Variants in CCSER1 observed in about 807,000 individuals in gnomAD.
CCSER1 encodes the protein coiled-coil serine rich protein 1, also known as serine-rich coiled-coil domain-containing protein 1.
Under a neutral mutation model 82.0 loss-of-function variants are expected in CCSER1, and 41 were observed. The observed-to-expected ratio is 0.50, with a 90% CI of 0.39 to 0.65. The LOEUF is 0.65. Ranked by LOEUF, CCSER1 falls within the 30% of genes least tolerant of loss-of-function variation. The probability of loss-of-function intolerance (pLI) is 0.00; values close to 1 mark genes in which losing one functional copy is unlikely to be tolerated. For synonymous variants in CCSER1, 414 were observed against 383.9 expected (o/e 1.08, Z -0.92); for missense variants, 1,119 against 1,064.2 (o/e 1.05, Z -0.72).
rs1732997465 is a variant in CCSER1 at position 90,672,594 on chromosome 4, T to G, written c.1932+44362T>G. Among the ~76,000 whole-genome samples the G allele has an allele frequency of 2.0e-5, 3 of 152,168 alleles. No individual in the cohort carries two copies. The South Asian group carries it at 6.2e-4, about 32-fold the overall frequency. On this transcript the variant is annotated intron_variant, in intron 6 of 10. Transcript: ENST00000509176. Reference sequence around the variant, plus strand: ...ATTTATGCATTCACTAGAGTAGTACTTTTAATTTCCTTCAGGAATGTTTTC... The same window carrying G: ...ATTTATGCATTCACTAGAGTAGTACGTTTAATTTCCTTCAGGAATGTTTTC...
chr4:91,092,039 T>A (rs528116665), intron 10 of CCSER1, among the ~76,000 whole-genome samples: 1 of 152,302 alleles, frequency 6.6e-6, no homozygotes, highest in South Asian at 2.1e-4. Flanking sequence ...GGGAGTATCC[T>A]GTTTTCTTAG....
intron 1 of CCSER1, among the ~76,000 whole-genome samples, chr4:90,198,791 T>A (rs1737087485): frequency 6.6e-6 from 1 of 152,144 alleles, no homozygotes. Context: ...TGATGAAGAA[T>A]CAATAAAAAT....
intron 7 of CCSER1, among the ~76,000 whole-genome samples, chr4:90,811,995 C>CACACACACACATGTATATAT (rs367800484): frequency 1.4e-5 from 2 of 142,778 alleles, no homozygotes; most frequent in African/African-American, 5.2e-5. Context: ...TATATAAACA[C>CACACACACACATGTATATAT]ATATATATAT....
intron 5 of CCSER1, among the ~76,000 whole-genome samples, chr4:90,524,043 C>A (rs1332358210): frequency 6.6e-6 from 1 of 151,756 alleles, no homozygotes; most frequent in Non-Finnish European, 1.5e-5. Flanking sequence ...CATAAGAGCT[C>A]AACATAACCA....
chr4:90,411,419 T>C (rs979280945), intron 4 of CCSER1, among the ~76,000 whole-genome samples: 2 of 152,160 alleles, frequency 1.3e-5, no homozygotes, highest in African/African-American at 4.8e-5. Flanking sequence ...CAAAATCTTA[T>C]CCACCACGAT....
At chr4:90,382,699 T>C (rs1390521588) in intron 3 of CCSER1, among the ~76,000 whole-genome samples, 1 of 152,128 alleles carries the variant, frequency 6.6e-6, no homozygotes, top group African/African-American at 2.4e-5. Flanking sequence ...CTCTGTACCT[T>C]AATACAAAGT....
intron 3 of CCSER1, among the ~76,000 whole-genome samples, chr4:90,394,204 T>A (rs910046421): frequency 6.6e-6 from 1 of 152,092 alleles, no homozygotes; most frequent in Non-Finnish European, 1.5e-5. Flanking sequence ...AGGGGCTGAT[T>A]TATAAATCAT....
At chr4:90,401,130 C>T (rs538781476) in intron 4 of CCSER1, among the ~76,000 whole-genome samples, 1 of 152,220 alleles carries the variant, frequency 6.6e-6, no homozygotes, top group Non-Finnish European at 1.5e-5. Flanking sequence ...TTTTCTTACA[C>T]TCTATTTTAG....
chr4:91,248,933 G>T (rs2149142524), intron 10 of CCSER1, among the ~76,000 whole-genome samples: 1 of 152,150 alleles, frequency 6.6e-6, no homozygotes, highest in South Asian at 2.1e-4. Context: ...AGTGCTTAAT[G>T]AAAATGAAAA....
chr4:91,321,930 A>G (rs796270135), intron 10 of CCSER1, among the ~76,000 whole-genome samples: 3 of 152,130 alleles, frequency 2.0e-5, no homozygotes, highest in Admixed American at 6.6e-5. Context: ...TTTGATTAAC[A>G]TCAGTCTTTG....
intron 10 of CCSER1, among the ~76,000 whole-genome samples, chr4:91,331,347 G>A (rs1050383690): frequency 8.6e-5 from 13 of 151,692 alleles, no homozygotes; most frequent in East Asian, 3.9e-4. Context: ...AAATCTGACC[G>A]TCCCATTGTA....
chr4:91,490,925 T>TATAA (rs1758500504), intron 10 of CCSER1, among the ~76,000 whole-genome samples: 41 of 87,490 alleles, frequency 4.7e-4, no homozygotes, highest in Non-Finnish European at 8.0e-4. Context: ...TATATATATA[T>TATAA]ATAAAATATG....
chr4:90,651,753 A>G (rs1025125516), intron 6 of CCSER1, among the ~76,000 whole-genome samples: 1 of 152,144 alleles, frequency 6.6e-6, no homozygotes, highest in African/African-American at 2.4e-5. Context: ...CCTCTAGGAC[A>G]GAGAGCAAAT....
intron 1 of CCSER1, among the ~76,000 whole-genome samples, chr4:90,273,381 CA>C (rs987392104): frequency 6.6e-6 from 1 of 152,112 alleles, no homozygotes; most frequent in Non-Finnish European, 1.5e-5. Flanking sequence ...GTTTGTAACA[CA>C]AAGGATCAGG....
chr4:90,187,967 C>T (rs899983062), intron 1 of CCSER1, among the ~76,000 whole-genome samples: 2 of 151,882 alleles, frequency 1.3e-5, no homozygotes, highest in African/African-American at 4.8e-5. Flanking sequence ...TCTTTGTGCT[C>T]TTGAGACTGA....
At chr4:91,232,850 T>A (rs1738726573) in intron 10 of CCSER1, among the ~76,000 whole-genome samples, 1 of 151,750 alleles carries the variant, frequency 6.6e-6, no homozygotes, top group Non-Finnish European at 1.5e-5. Context: ...AAAATTGAGG[T>A]AAAACTCTAT....
At chr4:90,870,765 G>A (rs560472944) in intron 8 of CCSER1, among the ~76,000 whole-genome samples, 1 of 148,344 alleles carries the variant, frequency 6.7e-6, no homozygotes, top group South Asian at 2.1e-4. Flanking sequence ...ATTGGTGTTA[G>A]CTCTTTAAAT....
intron 3 of CCSER1, among the ~76,000 whole-genome samples, chr4:90,383,348 A>G (rs1749511653): frequency 6.6e-6 from 1 of 152,214 alleles, no homozygotes; most frequent in South Asian, 2.1e-4. Flanking sequence ...GAATAATACG[A>G]TCAACTTTAC....
At chr4:90,493,042 G>A (rs1578783697) in intron 5 of CCSER1, among the ~76,000 whole-genome samples, 1 of 152,070 alleles carries the variant, frequency 6.6e-6, no homozygotes, top group Admixed American at 6.6e-5. Context: ...TGGCTAACTG[G>A]AATAACCACT....
Sources: allele counts gnomAD v4.1 joint callset (sites outside exome capture counted in the v4.1 genomes callset), GRCh38; gene constraint gnomAD v4.1.1; transcripts MANE v1.5; gene names NCBI Gene and HGNC (gene_info 2026-07-23, HGNC 2026-07-21).